ZNF83: variants seen among roughly 807,000 people sequenced by gnomAD.
The protein encoded by ZNF83 is zinc finger protein 816B.
For synonymous variants in ZNF83, 209 were observed against 213.0 expected (o/e 0.98, Z 0.17); for missense variants, 552 against 629.9 (o/e 0.88, Z 1.32).
chr19:52,659,313 G>C (rs953147874), intron 2 of ZNF83, among the ~76,000 whole-genome samples: 1 of 152,160 alleles, frequency 6.6e-6, no homozygotes, highest in Non-Finnish European at 1.5e-5. Context: ...GGTCAAGCCA[G>C]TGAGTAATCA....
At chr19:52,628,636 C>T (rs1467016309) in intron 2 of ZNF83, among the ~76,000 whole-genome samples, 2 of 152,046 alleles carry the variant, frequency 1.3e-5, no homozygotes, top group Non-Finnish European at 2.9e-5. Flanking sequence ...CTTGGTCCTT[C>T]ACCCTTAGCA....
intron 2 of ZNF83, among the ~76,000 whole-genome samples, chr19:52,659,522 C>T (rs2061550229): frequency 6.7e-6 from 1 of 150,058 alleles, no homozygotes; most frequent in Admixed American, 6.7e-5. Flanking sequence ...ATGTTTTATT[C>T]ATATGTGGTT....
In ZNF83 at chr19:52,614,782, C is replaced by T; in HGVS notation, c.-218G>A. ...TTTTGGTGGTAATTCCTTGATCTCA[C>T]ATTTAGAAAAAATACCTACAAGATA... On this transcript the variant is annotated 5_prime_UTR_variant, in exon 3 of 3. In the 5' UTR this introduces an upstream ATG that the reference lacks. Transcript: ENST00000301096. The T allele has an allele frequency of 3.9e-6, 5 of 1,283,740 alleles. No individual in the cohort carries two copies. Among genetic ancestry groups the T allele is most frequent in the Non-Finnish European group, 4.0e-6 (4 of 1,008,156 alleles). 79.5% of individuals were successfully genotyped at this position (1,283,740 alleles called of 1,614,324 possible).
In ZNF83 at chr19:52,633,867, G is replaced by A. The variant is rs528736086; in HGVS notation, c.-234+1199C>T. 2.4e-4 allele frequency among the ~76,000 whole-genome samples: 37 copies of A among 152,182 alleles called. 1 individual carries two copies. In the East Asian group the frequency reaches 3.3e-3, roughly 13 times the overall value. On this transcript the variant is annotated intron_variant, in intron 2 of 2. Transcript: ENST00000301096. ...GGAGGTTGCGGTGAGCAAAGATCACGCCATTGCACTCCAGACTGGGCAACA... is the reference window on the plus strand; with the variant it reads ...GGAGGTTGCGGTGAGCAAAGATCACACCATTGCACTCCAGACTGGGCAACA...
intron 3 of ZNF83, chr19:52,652,946 G>C (rs1482401283): frequency 1.6e-6 from 2 of 1,234,166 alleles, no homozygotes; most frequent in African/African-American, 3.0e-5. Context: ...GATGACATAT[G>C]ACTGAAGGTC....
intron 1 of ZNF83, among the ~76,000 whole-genome samples, chr19:52,683,695 A>G (rs12972620): frequency 0.77 from 117,812 of 152,122 alleles, 46,185 homozygotes; most frequent in African/African-American, 0.88. Context: ...CTGACCTTAG[A>G]GAGGCCTTCT....
At chr19:52,634,394 C>T (rs114680594) in intron 2 of ZNF83, among the ~76,000 whole-genome samples, 2 of 152,142 alleles carry the variant, frequency 1.3e-5, no homozygotes, top group African/African-American at 4.8e-5. Flanking sequence ...ACCAAAAACA[C>T]CTGTTTCAGA....
intron 2 of ZNF83, among the ~76,000 whole-genome samples, chr19:52,629,787 T>C (rs1212681978): frequency 6.6e-6 from 1 of 152,214 alleles, no homozygotes; most frequent in Non-Finnish European, 1.5e-5. Context: ...AAGGCCGTCT[T>C]ATTCTCAAAA....
At chr19:52,637,110 C>T (rs987720622) in intron 1 of ZNF83, 2 of 152,066 alleles carry the variant, frequency 1.3e-5, no homozygotes, top group Non-Finnish European at 2.9e-5. Context: ...TCCCCTTCTT[C>T]CCTCTATTCC....
intron 1 of ZNF83, among the ~76,000 whole-genome samples, chr19:52,676,128 G>A (rs1056002479): frequency 6.6e-6 from 1 of 152,168 alleles, no homozygotes; most frequent in African/African-American, 2.4e-5. Context: ...TTGCAGGCGC[G>A]CGCCGCCACG....
chr19:52,619,861 TG>T (rs2060469335), intron 2 of ZNF83, among the ~76,000 whole-genome samples: 1 of 152,084 alleles, frequency 6.6e-6, no homozygotes, highest in South Asian at 2.1e-4. Flanking sequence ...CACTCCAGCC[TG>T]TTCAACAGAA....
chr19:52,675,988 A>G (rs1306983633), intron 1 of ZNF83, among the ~76,000 whole-genome samples: 1 of 152,124 alleles, frequency 6.6e-6, no homozygotes, highest in Non-Finnish European at 1.5e-5. Context: ...TCAGGAGTTC[A>G]GGACAGCCTG....
chr19:52,648,181 T>C (rs1469620355), intron 3 of ZNF83, among the ~76,000 whole-genome samples: 1 of 151,782 alleles, frequency 6.6e-6, no homozygotes, highest in Non-Finnish European at 1.5e-5. Context: ...TTGTCACCTC[T>C]TGGCAAATCC....
intron 1 of ZNF83, among the ~76,000 whole-genome samples, chr19:52,684,571 G>A (rs1473855225): frequency 1.4e-5 from 2 of 142,368 alleles, no homozygotes; most frequent in South Asian, 2.3e-4. Context: ...AAAAAGGAAA[G>A]AAAGAAAAAG....
At chr19:52,624,463 C>T (rs1365977308) in intron 2 of ZNF83, among the ~76,000 whole-genome samples, 1 of 152,206 alleles carries the variant, frequency 6.6e-6, no homozygotes, top group East Asian at 1.9e-4. Flanking sequence ...CCTTTGGACA[C>T]CTGGCTTTGC....
intron 3 of ZNF83, chr19:52,650,495 G>T (rs193013334): frequency 6.6e-6 from 1 of 152,168 alleles, no homozygotes; most frequent in Non-Finnish European, 1.5e-5. Flanking sequence ...GACCTCAGGT[G>T]ATCCGCCCAC....
chr19:52,615,308 G>A (rs1211141384), intron 2 of ZNF83, among the ~76,000 whole-genome samples: 1 of 149,096 alleles, frequency 6.7e-6, no homozygotes, highest in Non-Finnish European at 1.5e-5. Flanking sequence ...TTATGTTATT[G>A]CAAGTGGGGA....
At chr19:52,629,644 T>G (rs1049754845) in intron 2 of ZNF83, among the ~76,000 whole-genome samples, 3 of 152,190 alleles carry the variant, frequency 2.0e-5, no homozygotes, top group Non-Finnish European at 4.4e-5. Flanking sequence ...TCAAGGTTAA[T>G]GCTCCTTTTT....
intron 1 of ZNF83, among the ~76,000 whole-genome samples, chr19:52,671,577 G>A (rs998660343): frequency 6.6e-6 from 1 of 152,058 alleles, no homozygotes; most frequent in East Asian, 1.9e-4. Flanking sequence ...CAACTAGCTG[G>A]AGCTGCAGGC....
Sources: allele counts gnomAD v4.1 joint callset (sites outside exome capture counted in the v4.1 genomes callset), GRCh38; gene constraint gnomAD v4.1.1; transcripts MANE v1.5; gene names NCBI Gene and HGNC (gene_info 2026-07-23, HGNC 2026-07-21).